Variants in GRM8 observed in about 807,000 individuals in gnomAD.
GRM8 encodes the protein metabotropic glutamate receptor 8.
Under a neutral mutation model 87.2 loss-of-function variants are expected in GRM8, and 47 were observed. The observed-to-expected ratio is 0.54, with a 90% confidence interval of 0.43 to 0.69. The LOEUF (loss-of-function observed/expected upper bound fraction) is 0.69. Ranked by LOEUF, GRM8 falls within the 30% of genes least tolerant of loss-of-function variation. The pLI, the probability that GRM8 is intolerant of heterozygous loss-of-function variation, is 0.00. For synonymous variants in GRM8, 396 were observed against 404.5 expected (o/e 0.98, Z 0.25); for missense variants, 1,019 against 1,139.2 (o/e 0.89, Z 1.52).
intron 7 of GRM8, among the ~76,000 whole-genome samples, chr7:126,610,639 TAC>T (rs1747929490): frequency 6.6e-6 from 1 of 152,174 alleles, no homozygotes; most frequent in Non-Finnish European, 1.5e-5. Flanking sequence ...TTTACCTAAT[TAC>T]CAGCCATCAC....
chr7:126,469,200 T>A (rs2150548829), intron 9 of GRM8, among the ~76,000 whole-genome samples: 1 of 152,144 alleles, frequency 6.6e-6, no homozygotes, highest in South Asian at 2.1e-4. Context: ...TCACATTCTA[T>A]CTTATGAAAA....
chr7:126,737,666 G>A (rs777641749), intron 7 of GRM8, among the ~76,000 whole-genome samples: 12 of 151,912 alleles, frequency 7.9e-5, no homozygotes, highest in Non-Finnish European at 1.6e-4. Context: ...ATGTCCAGAC[G>A]TACAAAAAGC....
chr7:126,902,730 T>C (rs1334624508), intron 5 of GRM8, 51 bp from the exon 6 acceptor site: 5 of 1,306,404 alleles, frequency 3.8e-6, no homozygotes, highest in East Asian at 2.4e-5. Flanking sequence ...AAATTAAATA[T>C]TGTCAGAACT....
chr7:126,842,459 T>G lies in GRM8; in HGVS notation c.1156+60083A>C, dbSNP rs142855216. On this transcript the variant is annotated intron_variant, in intron 6 of 10. Coordinates refer to ENST00000339582, the MANE Select transcript of GRM8 (RefSeq NM_000845.3). ...ACAGGAAAGAATCACTACATATTTG[T>G]GATAGGCAGACTAATGCCTGCCACC... is the stretch of plus-strand genomic sequence containing the variant. Among the ~76,000 whole-genome samples the G allele has an allele frequency of 9.9e-3, 1,511 of 152,332 alleles. 25 individuals are homozygous for G. Among genetic ancestry groups the G allele is most frequent in the African/African-American group, 0.034 (1,429 of 41,572 alleles).
At chr7:126,691,916 A>G (rs912852251) in intron 7 of GRM8, among the ~76,000 whole-genome samples, 2 of 152,206 alleles carry the variant, frequency 1.3e-5, no homozygotes, top group African/African-American at 4.8e-5. Context: ...GGGCCCTTTT[A>G]AATGCAAATG....
intron 9 of GRM8, among the ~76,000 whole-genome samples, chr7:126,514,682 A>C (rs1811921166): frequency 6.6e-6 from 1 of 152,096 alleles, no homozygotes; most frequent in African/African-American, 2.4e-5. Context: ...AATGCTTATA[A>C]AATTAAATAA....
chr7:126,737,096 A>C (rs770226338), intron 7 of GRM8, among the ~76,000 whole-genome samples: 3 of 152,088 alleles, frequency 2.0e-5, no homozygotes, highest in Non-Finnish European at 4.4e-5. Context: ...CAAATTAGCC[A>C]CAAGATTAGA....
intron 7 of GRM8, among the ~76,000 whole-genome samples, chr7:126,760,069 C>T (rs1817436487): frequency 6.6e-6 from 1 of 152,160 alleles, no homozygotes; most frequent in African/African-American, 2.4e-5. Context: ...TCTGTTCCTA[C>T]ATCTGTTTCC....
chr7:126,901,608 T>C (rs933191897), intron 6 of GRM8, among the ~76,000 whole-genome samples: 4 of 152,286 alleles, frequency 2.6e-5, no homozygotes, highest in Admixed American at 6.5e-5. Context: ...TATTACATCT[T>C]TTATTTGAAC....
chr7:127,204,742 C>G (rs1795808755), intron 2 of GRM8, among the ~76,000 whole-genome samples: 1 of 151,964 alleles, frequency 6.6e-6, no homozygotes. Flanking sequence ...TAATTCTTTT[C>G]ATTTCTTTGT....
chr7:126,545,119 T>A (rs921550030), intron 8 of GRM8, among the ~76,000 whole-genome samples: 1 of 152,202 alleles, frequency 6.6e-6, no homozygotes, highest in Non-Finnish European at 1.5e-5. Flanking sequence ...AAGAGTGCCT[T>A]CTCCCCTTAA....
At chr7:126,642,732 T>C (rs1481799457) in intron 7 of GRM8, among the ~76,000 whole-genome samples, 1 of 152,072 alleles carries the variant, frequency 6.6e-6, no homozygotes, top group Non-Finnish European at 1.5e-5. Context: ...GAGATAGAGT[T>C]GAAGAAAGCA....
chr7:126,983,756 A>T (rs955672834), intron 3 of GRM8, among the ~76,000 whole-genome samples: 1 of 152,198 alleles, frequency 6.6e-6, no homozygotes. Context: ...CAATAGCCCA[A>T]TCCAGGCAGG....
At chr7:127,026,604 G>A (rs1482589757) in intron 3 of GRM8, among the ~76,000 whole-genome samples, 1 of 152,166 alleles carries the variant, frequency 6.6e-6, no homozygotes, top group Non-Finnish European at 1.5e-5. Context: ...GACCAGTGAT[G>A]ATGAGCATTT....
chr7:126,552,882 A>G (rs944156128), intron 8 of GRM8, among the ~76,000 whole-genome samples: 7 of 152,066 alleles, frequency 4.6e-5, no homozygotes, highest in African/African-American at 1.7e-4. Context: ...TTAGGTCAGG[A>G]TTTAAGTCTC....
chr7:126,663,308 C>T (rs774629356), intron 7 of GRM8, among the ~76,000 whole-genome samples: 15 of 152,210 alleles, frequency 9.9e-5, no homozygotes, highest in Admixed American at 2.6e-4. Flanking sequence ...TAGCATAACC[C>T]GGATACCAAA....
chr7:126,704,551 T>C (rs1563107639), intron 7 of GRM8, among the ~76,000 whole-genome samples: 1 of 152,150 alleles, frequency 6.6e-6, no homozygotes, highest in South Asian at 2.1e-4. Flanking sequence ...GCCCTATTTC[T>C]CTTCTTTCAA....
At chr7:127,128,059 T>G (rs1047635084) in intron 2 of GRM8, among the ~76,000 whole-genome samples, 1 of 152,106 alleles carries the variant, frequency 6.6e-6, no homozygotes, top group African/African-American at 2.4e-5. Flanking sequence ...CAGCAGGCAC[T>G]CTCATGGCCT....
chr7:126,454,643 G>A (rs1803024287), intron 9 of GRM8, among the ~76,000 whole-genome samples: 1 of 151,576 alleles, frequency 6.6e-6, no homozygotes, highest in Admixed American at 6.6e-5. Context: ...TGCATTTGAA[G>A]ACGGGGTCTT....
Sources: allele counts gnomAD v4.1 joint callset (sites outside exome capture counted in the v4.1 genomes callset), GRCh38; gene constraint gnomAD v4.1.1; transcripts MANE v1.5; gene names NCBI Gene and HGNC (gene_info 2026-07-23, HGNC 2026-07-21).